ZFP91: variants seen among roughly 807,000 people sequenced by gnomAD.
ZFP91 encodes ZFP91 zinc finger protein, atypical E3 ubiquitin ligase, also known as E3 ubiquitin-protein ligase ZFP91.
Under a neutral mutation model 63.5 loss-of-function variants are expected in ZFP91, and 7 were observed. The ratio of observed to expected loss-of-function variants is 0.11; its 90% confidence interval spans 0.06 to 0.21. The LOEUF (loss-of-function observed/expected upper bound fraction) is 0.21, where lower values mean the gene tolerates loss of function less well. ZFP91 is among the 10% of genes least tolerant of loss of function. The pLI, the probability that ZFP91 is intolerant of heterozygous loss-of-function variation, is 1.00. For missense variants in ZFP91, 628 were observed against 736.6 expected (o/e 0.85, Z 1.71); for synonymous variants, 330 against 272.1 (o/e 1.21, Z -2.10).
intron 2 of ZFP91, among the ~76,000 whole-genome samples, chr11:58,585,627 C>T (rs1344966652): frequency 6.6e-6 from 1 of 152,120 alleles, no homozygotes; most frequent in East Asian, 1.9e-4. Context: ...AGCCAGTTTC[C>T]AAACTCCTAG....
Position 58,617,863 on chromosome 11 carries a change from A to C in ZFP91, c.*157A>C. 2 of 938,634 alleles carry C rather than the reference A, an allele frequency of 2.1e-6. No homozygotes were observed. The highest frequency in any genetic ancestry group is 3.1e-5 in the East Asian group (1 of 32,190). 58.1% of individuals were successfully genotyped at this position (938,634 alleles called of 1,614,324 possible). A position where few individuals can be genotyped will look rare whatever the true frequency, so the allele number is the denominator to read the frequency against. On this transcript the variant is annotated 3_prime_UTR_variant, in exon 11 of 11. Coordinates refer to ENST00000316059, the MANE Select transcript of ZFP91 (RefSeq NM_053023.5). This position sits in a 1 kb window ranked among gnomAD's most constrained non-coding sequence, Gnocchi z 4.2. ...CAGCACACACATACATACACCCTCC[A>C]CCTCCCCATCCCCTGTTCTCCCTCT... is the stretch of plus-strand genomic sequence containing the variant.
chr11:58,606,598 A>AACTAT (rs1855573870), intron 2 of ZFP91, among the ~76,000 whole-genome samples: 1 of 152,098 alleles, frequency 6.6e-6, no homozygotes, highest in Admixed American at 6.5e-5. Context: ...TGATCCCATC[A>AACTAT]TGCAGGTACT....
intron 1 of ZFP91, among the ~76,000 whole-genome samples, chr11:58,581,851 TC>T (rs1405400106): frequency 3.9e-5 from 6 of 152,102 alleles, no homozygotes; most frequent in Non-Finnish European, 7.4e-5. Context: ...TGCACAATGT[TC>T]CTTGTGGGGA....
intron 2 of ZFP91, among the ~76,000 whole-genome samples, chr11:58,598,173 T>G (rs1855434052): frequency 6.6e-6 from 1 of 152,196 alleles, no homozygotes; most frequent in African/African-American, 2.4e-5. Flanking sequence ...TTTACATTTC[T>G]CTGGACTTTG....
At chr11:58,609,717 T>C in intron 2 of ZFP91, 113 bp from the exon 3 acceptor site, 2 of 967,966 alleles carry the variant, frequency 2.1e-6, no homozygotes, top group Non-Finnish European at 1.5e-6. Context: ...TTCAGTTTTT[T>C]TTCCTTTGAA....
chr11:58,607,288 G>A (rs900271122), intron 2 of ZFP91, among the ~76,000 whole-genome samples: 3 of 152,144 alleles, frequency 2.0e-5, no homozygotes, highest in African/African-American at 7.2e-5. Context: ...TGACCTATAT[G>A]TAAAAGTCCT....
chr11:58,579,759 C>A (rs1480309061), intron 1 of ZFP91, 137 bp downstream of exon 1: 6 of 827,334 alleles, frequency 7.3e-6, no homozygotes, highest in Non-Finnish European at 1.0e-5. Context: ...GATGTCACAC[C>A]GTTTCCCCGG....
chr11:58,594,497 A>G (rs1338606674), intron 2 of ZFP91, among the ~76,000 whole-genome samples: 1 of 152,242 alleles, frequency 6.6e-6, no homozygotes, highest in Non-Finnish European at 1.5e-5. Flanking sequence ...AAGAAGCAGA[A>G]CTAATTCACC....
chr11:58,596,884 A>T (rs1855413515), intron 2 of ZFP91, among the ~76,000 whole-genome samples: 2 of 151,828 alleles, frequency 1.3e-5, no homozygotes, highest in Non-Finnish European at 2.9e-5. Flanking sequence ...CTCTATTGGG[A>T]TTTTCTTACA....
intron 5 of ZFP91, 146 bp downstream of exon 5, chr11:58,611,200 T>A: frequency 1.6e-6 from 1 of 619,626 alleles, no homozygotes; most frequent in Non-Finnish European, 2.7e-6. Flanking sequence ...TTTGTAAGTC[T>A]AACACCTTAA....
At chr11:58,607,339 C>A (rs74332009) in intron 2 of ZFP91, among the ~76,000 whole-genome samples, 2,766 of 152,174 alleles carry the variant, frequency 0.018, 34 homozygotes, top group Middle Eastern at 0.037. Flanking sequence ...ATCTAGGTGT[C>A]CTTAGCTAAC....
At chr11:58,595,501 G>T (rs1855382141) in intron 2 of ZFP91, among the ~76,000 whole-genome samples, 2 of 151,550 alleles carry the variant, frequency 1.3e-5, no homozygotes, top group African/African-American at 2.4e-5. Flanking sequence ...CTGTAGGATT[G>T]AGATAAATCA....
intron 3 of ZFP91, 65 bp downstream of exon 3, chr11:58,610,104 G>C: frequency 1.3e-6 from 2 of 1,559,298 alleles, no homozygotes; most frequent in Non-Finnish European, 1.8e-6. Flanking sequence ...ATGTAATGTT[G>C]AACATTTGTG....
At chr11:58,581,295 C>T (rs1358453440) in intron 1 of ZFP91, among the ~76,000 whole-genome samples, 2 of 151,910 alleles carry the variant, frequency 1.3e-5, no homozygotes, top group Non-Finnish European at 2.9e-5. Context: ...TCTCACCTAC[C>T]CCTTGAAAAT....
chr11:58,614,374 A>C, intron 9 of ZFP91, 31 bp downstream of exon 9: 1 of 1,490,282 alleles, frequency 6.7e-7, no homozygotes, highest in Non-Finnish European at 9.3e-7. Flanking sequence ...TCAAGTAGGT[A>C]ATTGCACTGT....
chr11:58,595,640 C>T (rs978366586), intron 2 of ZFP91, among the ~76,000 whole-genome samples: 2 of 148,986 alleles, frequency 1.3e-5, no homozygotes, highest in Non-Finnish European at 3.0e-5. Flanking sequence ...TGCAGTGGTG[C>T]GATCTCAACT....
chr11:58,617,080 G>T lies in ZFP91; in HGVS notation c.1203-116G>T. On this transcript the variant is annotated intron_variant, in intron 10 of 10. Coordinates refer to ENST00000316059, the MANE Select transcript of ZFP91 (RefSeq NM_053023.5). This position sits in a 1 kb window ranked among gnomAD's most constrained non-coding sequence, Gnocchi z 4.2. ...GTATGTTACTGATTATTGTGTGTGT[G>T]TGTGTGTGTGTGTGTGTGTATGTAT... The T allele has an allele frequency of 1.1e-6, 1 of 913,398 alleles. No individual in the cohort carries two copies. Among genetic ancestry groups the T allele is most frequent in the Non-Finnish European group, 1.6e-6 (1 of 611,570 alleles). The allele number at this position is 913,398 out of a possible 1,614,324, so 56.6% of individuals were successfully genotyped here.
intron 5 of ZFP91, 41 bp from the exon 6 acceptor site, chr11:58,611,563 A>G (rs755078262): frequency 1.9e-6 from 3 of 1,591,252 alleles, no homozygotes; most frequent in South Asian, 1.1e-5. Flanking sequence ...CTTCCTTGAA[A>G]AGATCTTTTG....
At chr11:58,588,762 A>G (rs1440412791) in intron 2 of ZFP91, among the ~76,000 whole-genome samples, 1 of 152,006 alleles carries the variant, frequency 6.6e-6, no homozygotes, top group African/African-American at 2.4e-5. Flanking sequence ...TTTAAAGAAT[A>G]TTTTTATTAT....
Sources: gnomAD v4.1 joint callset for allele counts (sites outside exome capture counted in the v4.1 genomes callset) on GRCh38, gnomAD v4.1.1 for gene constraint, Gnocchi (gnomAD v3.1) non-coding constraint, MANE v1.5 for transcripts, NCBI Gene and HGNC (gene_info 2026-07-23, HGNC 2026-07-21) for gene names.